The following SGCZ variants were observed in gnomAD, a reference collection of about 807,000 sequenced individuals.
The protein encoded by SGCZ is zeta-sarcoglycan.
SGCZ carries 40 observed loss-of-function variants against 41.3 expected under a neutral mutation model. That is an observed-to-expected ratio of 0.97 (90% CI 0.75 to 1.26). The LOEUF is 1.26. Ranked by LOEUF, SGCZ falls within the 50% of genes most tolerant of loss-of-function variation. The pLI is 0.00. For synonymous variants in SGCZ, 206 were observed against 137.5 expected, an observed-to-expected ratio of 1.50 and a Z score of -3.49; for missense variants, 552 against 369.8, an observed-to-expected ratio of 1.49 and a Z score of -4.04.
chr8:15,155,678 T>C (rs1396281609), intron 1 of SGCZ, among the ~76,000 whole-genome samples: 2 of 152,214 alleles, frequency 1.3e-5, no homozygotes, highest in East Asian at 1.9e-4. Flanking sequence ...AATATATTTA[T>C]GATACATGAT....
intron 1 of SGCZ, among the ~76,000 whole-genome samples, chr8:14,589,466 T>G (rs1805172373): frequency 6.6e-6 from 1 of 152,142 alleles, no homozygotes; most frequent in Admixed American, 6.6e-5. Flanking sequence ...AAAACATGTA[T>G]TAGATTTAGA....
chr8:14,731,670 TC>T (rs2130241004), intron 1 of SGCZ, among the ~76,000 whole-genome samples: 1 of 152,322 alleles, frequency 6.6e-6, no homozygotes, highest in East Asian at 1.9e-4. Context: ...CCTTTTCTTC[TC>T]CAGCATTCCA....
chr8:14,494,755 A>T (rs188656859), intron 2 of SGCZ, among the ~76,000 whole-genome samples: 219 of 152,302 alleles, frequency 1.4e-3, no homozygotes, highest in African/African-American at 5.0e-3. Flanking sequence ...GTTTGTAACC[A>T]GAGGGAGGTA....
At chr8:14,396,660 G>A (rs1219102319) in intron 2 of SGCZ, among the ~76,000 whole-genome samples, 1 of 151,826 alleles carries the variant, frequency 6.6e-6, no homozygotes, top group Non-Finnish European at 1.5e-5. Flanking sequence ...TATAACGACT[G>A]ATTATTAAAT....
intron 1 of SGCZ, among the ~76,000 whole-genome samples, chr8:14,766,727 A>ATTTTTTTTTTTTTTTTTTTTTT (rs33955290): frequency 1.1e-5 from 1 of 92,804 alleles, no homozygotes; most frequent in Non-Finnish European, 2.0e-5. Context: ...ATGTCCAGCT[A>ATTTTTTTTTTTTTTTTTTTTTT]TTTTTTTTTT....
At chr8:14,107,494 C>T (rs1404756793) in intron 6 of SGCZ, among the ~76,000 whole-genome samples, 3 of 152,136 alleles carry the variant, frequency 2.0e-5, no homozygotes, top group African/African-American at 4.8e-5. Context: ...GTCTGATTTG[C>T]TTCCATATTA....
chr8:14,634,347 T>C (rs1806757730), intron 1 of SGCZ, among the ~76,000 whole-genome samples: 2 of 151,934 alleles, frequency 1.3e-5, no homozygotes, highest in Non-Finnish European at 2.9e-5. Context: ...GGTTTCATTT[T>C]CTTTGTTTAT....
chr8:14,807,968 C>T (rs1801601728), intron 1 of SGCZ, among the ~76,000 whole-genome samples: 1 of 151,490 alleles, frequency 6.6e-6, no homozygotes, highest in Non-Finnish European at 1.5e-5. Flanking sequence ...CTGAGAAAAA[C>T]AAACCATGGG....
intron 5 of SGCZ, among the ~76,000 whole-genome samples, chr8:14,134,721 C>T (rs750370233): frequency 5.3e-5 from 8 of 152,002 alleles, no homozygotes; most frequent in African/African-American, 9.7e-5. Flanking sequence ...TATAGGCTGC[C>T]GCAAAGACTT....
At chr8:14,642,530 CTA>C in intron 1 of SGCZ, among the ~76,000 whole-genome samples, 1 of 151,486 alleles carries the variant, frequency 6.6e-6, no homozygotes, top group Non-Finnish European at 1.5e-5. Context: ...TTGGCTTCTT[CTA>C]ACAGCTTAGT....
chr8:14,679,784 C>T (rs893774023), intron 1 of SGCZ, among the ~76,000 whole-genome samples: 3 of 152,034 alleles, frequency 2.0e-5, no homozygotes, highest in Admixed American at 2.0e-4. Flanking sequence ...GCCACCTACT[C>T]ACCCAGAATA....
intron 2 of SGCZ, among the ~76,000 whole-genome samples, chr8:14,429,335 T>C (rs1311549951): frequency 6.6e-6 from 1 of 152,038 alleles, no homozygotes; most frequent in Non-Finnish European, 1.5e-5. Context: ...TTGGAGGAAG[T>C]CCAGGCATAA....
At position 14,691,844 on chromosome 8, in the gene SGCZ, AT is replaced by A. The variant is rs562758061; in HGVS notation, c.40-136919del. The stretch of plus-strand genomic sequence containing the variant: ...CTTAATATAAGAAAACAACACAAAA[AT>A]GTCACCCTAATACATAATTTTATAA... On this transcript the variant is annotated intron_variant, in intron 1 of 7. Transcript: ENST00000382080. Among the ~76,000 whole-genome samples, 127 of 152,102 alleles carry A rather than the reference AT, an allele frequency of 8.3e-4. 1 individual carries two copies. Among genetic ancestry groups the A allele is most frequent in the African/African-American group, 2.9e-3 (121 of 41,560 alleles).
chr8:15,154,813 G>C (rs564009302), intron 1 of SGCZ, among the ~76,000 whole-genome samples: 1 of 152,296 alleles, frequency 6.6e-6, no homozygotes, highest in South Asian at 2.1e-4. Flanking sequence ...GCCAGAATTT[G>C]TATAAAAAGT....
At chr8:14,664,544 CACA>C (rs1182781187) in intron 1 of SGCZ, among the ~76,000 whole-genome samples, 28 of 152,240 alleles carry the variant, frequency 1.8e-4, no homozygotes, top group African/African-American at 5.8e-4. Flanking sequence ...GAGAACAAAA[CACA>C]ACATCATACT....
chr8:14,255,026 C>G (rs896749356), intron 3 of SGCZ, among the ~76,000 whole-genome samples: 2 of 152,106 alleles, frequency 1.3e-5, no homozygotes, highest in African/African-American at 4.8e-5. Context: ...GCTGCCTCTT[C>G]CAATGGGCAT....
chr8:14,560,838 G>A (rs1317803158), intron 1 of SGCZ, among the ~76,000 whole-genome samples: 2 of 150,864 alleles, frequency 1.3e-5, no homozygotes, highest in African/African-American at 4.9e-5. Context: ...GATAACAAGA[G>A]GCTAAAAGAA....
chr8:14,546,029 G>T (rs993546315), intron 2 of SGCZ, among the ~76,000 whole-genome samples: 1 of 152,110 alleles, frequency 6.6e-6, no homozygotes, highest in African/African-American at 2.4e-5. Context: ...TGCCAGCTAA[G>T]ACTAAGCATG....
At chr8:15,039,529 A>T (rs1286103347) in intron 1 of SGCZ, among the ~76,000 whole-genome samples, 1 of 152,186 alleles carries the variant, frequency 6.6e-6, no homozygotes, top group African/African-American at 2.4e-5. Context: ...AGGAAGAATA[A>T]GTTCAAGAAA....
Sources: gnomAD v4.1 joint callset for allele counts (sites outside exome capture counted in the v4.1 genomes callset) on GRCh38, gnomAD v4.1.1 for gene constraint, MANE v1.5 for transcripts, NCBI Gene and HGNC (gene_info 2026-07-23, HGNC 2026-07-21) for gene names.